Variants in LRRC49 observed in about 807,000 individuals in gnomAD.
LRRC49 encodes the protein leucine-rich repeat-containing protein 49.
LRRC49 carries 50 observed loss-of-function variants against 83.3 expected under a neutral mutation model. The ratio of observed to expected loss-of-function variants is 0.60; its 90% confidence interval spans 0.48 to 0.76. The LOEUF (loss-of-function observed/expected upper bound fraction) is 0.76. Among genes scored for constraint, LRRC49 ranks in the 30% least tolerant of loss-of-function variants. The probability of loss-of-function intolerance (pLI) is 0.00; values close to 1 mark genes in which losing one functional copy is unlikely to be tolerated. For missense variants in LRRC49, 704 were observed against 809.1 expected (o/e 0.87, Z 1.58); for synonymous variants, 286 against 283.3 (o/e 1.01, Z -0.10).
At chr15:70,895,218 TTTTG>T (rs1301598448) in intron 2 of LRRC49, among the ~76,000 whole-genome samples, 1 of 152,162 alleles carries the variant, frequency 6.6e-6, no homozygotes, top group East Asian at 1.9e-4. Context: ...GTTGTTCTGG[TTTTG>T]TTTTTCTCAG....
chr15:70,931,808 G>A (rs1238065012), intron 7 of LRRC49, among the ~76,000 whole-genome samples: 2 of 152,142 alleles, frequency 1.3e-5, no homozygotes, highest in African/African-American at 4.8e-5. Flanking sequence ...AGCCTGAGTT[G>A]AATTCGTGTC....
At chr15:70,983,285 G>A (rs2037471356) in intron 10 of LRRC49, among the ~76,000 whole-genome samples, 1 of 152,050 alleles carries the variant, frequency 6.6e-6, no homozygotes, top group Admixed American at 6.6e-5. Flanking sequence ...AGATGACTGA[G>A]CTCCAATGCT....
chr15:70,867,189 C>T (rs2032932279), intron 1 of LRRC49, among the ~76,000 whole-genome samples: 1 of 151,876 alleles, frequency 6.6e-6, no homozygotes. Flanking sequence ...GTAGGCCTGC[C>T]TTTGTGACGG....
At chr15:70,889,675 T>G (rs1010336770), upstream of LRRC49, among the ~76,000 whole-genome samples, 8 of 152,206 alleles carry the variant, frequency 5.3e-5, no homozygotes, top group Non-Finnish European at 8.8e-5. Flanking sequence ...CTTATCTTTT[T>G]GGAAGCCCCC....
chr15:71,040,560 C>T lies in LRRC49; in HGVS notation c.1857+3228C>T, dbSNP rs532619403. Among the ~76,000 whole-genome samples the T allele has an allele frequency of 3.9e-5, 6 of 152,222 alleles. 1 individual carries two copies. The South Asian group carries it at 1.2e-3, about 32-fold the overall frequency. ...AGCGGCCGGGCGCGGTGGCTCACACCTGTAATCCCAGCACTTTGGGAGGCC... is the reference window on the plus strand; with the variant it reads ...AGCGGCCGGGCGCGGTGGCTCACACTTGTAATCCCAGCACTTTGGGAGGCC... On this transcript the variant is annotated intron_variant, in intron 15 of 15. Coordinates refer to ENST00000260382, the MANE Select transcript of LRRC49 (RefSeq NM_017691.5).
At chr15:70,933,953 C>T (rs2035507385) in intron 7 of LRRC49, among the ~76,000 whole-genome samples, 1 of 152,138 alleles carries the variant, frequency 6.6e-6, no homozygotes, top group Admixed American at 6.5e-5. Context: ...ACCCTAAAAT[C>T]CCTTTCTGTA....
intron 9 of LRRC49, among the ~76,000 whole-genome samples, chr15:70,976,473 A>G (rs1436539028): frequency 6.6e-6 from 1 of 152,186 alleles, no homozygotes; most frequent in Non-Finnish European, 1.5e-5. Flanking sequence ...AATGCTGCCT[A>G]TATTAGGACT....
At chr15:71,010,714 G>A (rs2038623776) in intron 13 of LRRC49, among the ~76,000 whole-genome samples, 1 of 151,696 alleles carries the variant, frequency 6.6e-6, no homozygotes, top group Admixed American at 6.6e-5. Flanking sequence ...TAATCCCCCA[G>A]CTACTCAAAA....
At chr15:71,035,923 C>T (rs550572370) in intron 14 of LRRC49, among the ~76,000 whole-genome samples, 1 of 152,290 alleles carries the variant, frequency 6.6e-6, no homozygotes, top group South Asian at 2.1e-4. Context: ...ATCACACTGT[C>T]TTCCACAATG....
At chr15:70,932,227 G>A (rs1363854560) in intron 7 of LRRC49, among the ~76,000 whole-genome samples, 4 of 152,130 alleles carry the variant, frequency 2.6e-5, no homozygotes, top group Non-Finnish European at 5.9e-5. Flanking sequence ...CCAAATAATG[G>A]ACTTTTTTCA....
intron 6 of LRRC49, among the ~76,000 whole-genome samples, chr15:70,914,956 G>A (rs530142055): frequency 2.0e-5 from 3 of 152,302 alleles, no homozygotes; most frequent in African/African-American, 7.2e-5. Flanking sequence ...GATGTATTAA[G>A]AAGCCTTGCA....
chr15:70,879,840 A>T (rs1172622625), intron 2 of LRRC49, among the ~76,000 whole-genome samples: 3 of 152,168 alleles, frequency 2.0e-5, no homozygotes, highest in Non-Finnish European at 4.4e-5. Context: ...CTCTCACCTA[A>T]AGTCCAATGA....
In LRRC49 at chr15:71,043,749, A is replaced by G. The variant is rs180937862; in HGVS notation, c.1858-5660A>G. The stretch of plus-strand genomic sequence containing the variant: ...CAACATGTCCCTAGAGAAACAGTGG[A>G]AGTAACTATAGCAGAAAATTTTAAA... On this transcript the variant is annotated intron_variant, in intron 15 of 15. Coordinates refer to ENST00000260382, the MANE Select transcript of LRRC49 (RefSeq NM_017691.5). Among the ~76,000 whole-genome samples, 741 of 152,348 alleles carry G rather than the reference A, an allele frequency of 4.9e-3. 26 individuals are homozygous for G. Among genetic ancestry groups the G allele is most frequent in the Admixed American group, 0.043 (664 of 15,310 alleles).
chr15:70,876,152 G>A (rs1350755706), intron 2 of LRRC49, among the ~76,000 whole-genome samples: 1 of 152,130 alleles, frequency 6.6e-6, no homozygotes, highest in African/African-American at 2.4e-5. Context: ...CTACATCATG[G>A]TTTCAACGAT....
intron 11 of LRRC49, among the ~76,000 whole-genome samples, chr15:70,998,019 T>G (rs1260060137): frequency 6.6e-6 from 1 of 152,186 alleles, no homozygotes; most frequent in Non-Finnish European, 1.5e-5. Context: ...GGATTACAAT[T>G]AACATTTTAA....
intron 4 of LRRC49, among the ~76,000 whole-genome samples, chr15:70,902,323 G>A (rs1313572807): frequency 1.3e-5 from 2 of 152,152 alleles, no homozygotes; most frequent in African/African-American, 4.8e-5. Flanking sequence ...TTTGTAGCTT[G>A]GGATGACTCA....
chr15:70,991,047 C>G (rs762291094), intron 11 of LRRC49, among the ~76,000 whole-genome samples: 1 of 152,228 alleles, frequency 6.6e-6, no homozygotes, highest in East Asian at 1.9e-4. Context: ...CAGCAGCCAG[C>G]ACAAAACCTT....
At position 70,882,599 on chromosome 15, in the gene LRRC49, G is replaced by GT. The variant is rs1371849572; in HGVS notation, c.18+9377dup. 1.9e-6 allele frequency: 3 copies of GT among 1,613,928 alleles called. No homozygotes were observed. In the African/African-American group the frequency reaches 4.0e-5, roughly 22 times the overall value. ...TCTAGACCACAATTCCTCTGTCTGA[G>GT]TAGTTGCATTACACAGTCTTTTTCC... On this transcript the variant is annotated intron_variant, in intron 2 of 16. Transcript: ENST00000544974.
upstream of LRRC49, among the ~76,000 whole-genome samples, chr15:70,888,887 T>C (rs558015908): frequency 2.6e-5 from 4 of 152,266 alleles, no homozygotes; most frequent in African/African-American, 9.6e-5. Flanking sequence ...AATCGGGGGA[T>C]GAAAAGCAAA....
Sources: allele counts gnomAD v4.1 joint callset (sites outside exome capture counted in the v4.1 genomes callset), GRCh38; gene constraint gnomAD v4.1.1; transcripts MANE v1.5; gene names NCBI Gene and HGNC (gene_info 2026-07-23, HGNC 2026-07-21).